LRRC4C: variants seen among roughly 807,000 people sequenced by gnomAD.
The protein encoded by LRRC4C is leucine-rich repeat-containing protein 4C.
A neutral mutation model predicts 33.6 loss-of-function variants in LRRC4C; 5 were observed. The observed-to-expected ratio is 0.15, with a 90% CI of 0.08 to 0.31. The LOEUF (loss-of-function observed/expected upper bound fraction) is 0.31. LRRC4C is among the 10% of genes least tolerant of loss of function. The pLI, the probability that LRRC4C is intolerant of heterozygous loss-of-function variation, is 1.00. For synonymous variants in LRRC4C, 329 were observed against 302.0 expected (o/e 1.09, Z -0.93); for missense variants, 560 against 796.7 (o/e 0.70, Z 3.58).
At chr11:40,277,378 G>A (rs1413424209) in intron 4 of LRRC4C, among the ~76,000 whole-genome samples, 1 of 152,080 alleles carries the variant, frequency 6.6e-6, no homozygotes, top group Non-Finnish European at 1.5e-5. Context: ...ATCCAGAGTT[G>A]TGGCTGGGTA....
At chr11:40,865,171 C>T (rs1954292018) in intron 2 of LRRC4C, among the ~76,000 whole-genome samples, 1 of 152,068 alleles carries the variant, frequency 6.6e-6, no homozygotes, top group South Asian at 2.1e-4. Flanking sequence ...TGAAACAAGC[C>T]AAGCACAGCA....
At chr11:41,281,446 A>G (rs1949676116) in intron 1 of LRRC4C, among the ~76,000 whole-genome samples, 1 of 152,176 alleles carries the variant, frequency 6.6e-6, no homozygotes, top group Non-Finnish European at 1.5e-5. Context: ...TGGGCAGAAC[A>G]TCAAATAGGG....
intron 2 of LRRC4C, among the ~76,000 whole-genome samples, chr11:40,879,854 T>A (rs1376325452): frequency 6.6e-6 from 1 of 152,178 alleles, no homozygotes; most frequent in African/African-American, 2.4e-5. Flanking sequence ...TTGATTGTAT[T>A]TTCCAAAGAC....
intron 1 of LRRC4C, among the ~76,000 whole-genome samples, chr11:41,057,568 C>A (rs542903432): frequency 6.6e-6 from 1 of 152,190 alleles, no homozygotes; most frequent in African/African-American, 2.4e-5. Context: ...CTTTTCTGGG[C>A]CTGCCCATGG....
At chr11:40,144,386 T>C (rs1473023942) in intron 5 of LRRC4C, among the ~76,000 whole-genome samples, 5 of 152,174 alleles carry the variant, frequency 3.3e-5, no homozygotes, top group African/African-American at 1.2e-4. Context: ...TACAAATGGC[T>C]AAACAACTCA....
chr11:40,243,687 C>CTTTTTTTTT (rs1274780074), intron 4 of LRRC4C, among the ~76,000 whole-genome samples: 1 of 117,184 alleles, frequency 8.5e-6, no homozygotes, highest in Non-Finnish European at 1.7e-5. Context: ...AAACTTATAT[C>CTTTTTTTTT]TTTTTTTTTT....
chr11:40,951,722 T>C (rs989408833), intron 1 of LRRC4C, among the ~76,000 whole-genome samples: 10 of 152,012 alleles, frequency 6.6e-5, no homozygotes, highest in Non-Finnish European at 1.0e-4. Context: ...TAAAAGAAGA[T>C]GCTGAATTAA....
At chr11:40,822,302 T>C (rs1478451929) in intron 2 of LRRC4C, among the ~76,000 whole-genome samples, 5 of 151,638 alleles carry the variant, frequency 3.3e-5, no homozygotes, top group African/African-American at 9.7e-5. Flanking sequence ...CCTCTACTTC[T>C]ATCCATGTTT....
intron 5 of LRRC4C, among the ~76,000 whole-genome samples, chr11:40,187,981 AG>A (rs1211954760): frequency 6.6e-6 from 1 of 152,168 alleles, no homozygotes; most frequent in African/African-American, 2.4e-5. Context: ...GAGAATATTC[AG>A]GGATATTAAT....
chr11:40,126,318 T>A (rs1340072276), intron 6 of LRRC4C, among the ~76,000 whole-genome samples: 3 of 152,160 alleles, frequency 2.0e-5, no homozygotes, highest in Non-Finnish European at 2.9e-5. Flanking sequence ...TCACTAGTGT[T>A]GTGACTATAT....
At chr11:40,396,100 C>A (rs7931739) in intron 3 of LRRC4C, among the ~76,000 whole-genome samples, 4 of 152,024 alleles carry the variant, frequency 2.6e-5, no homozygotes, top group African/African-American at 9.6e-5. Context: ...TTTATGGAAG[C>A]GGCTCTTGTT....
intron 1 of LRRC4C, among the ~76,000 whole-genome samples, chr11:41,448,676 A>G (rs755689887): frequency 1.3e-5 from 2 of 152,188 alleles, no homozygotes; most frequent in African/African-American, 2.4e-5. Context: ...TTCTCTTGTG[A>G]AGAAAGGTAT....
intron 1 of LRRC4C, among the ~76,000 whole-genome samples, chr11:40,980,381 T>C (rs1052349244): frequency 2.6e-5 from 4 of 152,344 alleles, no homozygotes; most frequent in African/African-American, 7.2e-5. Context: ...ACATGTAGTA[T>C]AGATTTCTTT....
At chr11:41,004,971 G>A (rs996548893) in intron 1 of LRRC4C, among the ~76,000 whole-genome samples, 2 of 150,974 alleles carry the variant, frequency 1.3e-5, no homozygotes, top group Non-Finnish European at 2.9e-5. Flanking sequence ...CAGTTTTTCT[G>A]TTGTTGTTTT....
intron 3 of LRRC4C, among the ~76,000 whole-genome samples, chr11:40,389,901 G>T (rs1949271419): frequency 6.6e-6 from 1 of 152,192 alleles, no homozygotes; most frequent in East Asian, 1.9e-4. Context: ...GTAGAAAGAA[G>T]TAGGGTCTTC....
intron 1 of LRRC4C, among the ~76,000 whole-genome samples, chr11:41,236,686 C>A (rs180954345): frequency 5.7e-4 from 87 of 151,822 alleles, no homozygotes; most frequent in African/African-American, 2.1e-3. Flanking sequence ...ATGCTTATTT[C>A]TTCTGGTGAT....
intron 1 of LRRC4C, among the ~76,000 whole-genome samples, chr11:41,239,682 T>C (rs1948172746): frequency 6.6e-6 from 1 of 152,176 alleles, no homozygotes; most frequent in African/African-American, 2.4e-5. Flanking sequence ...TCATTTTTAA[T>C]TTACTGAATT....
chr11:40,176,367 T>C (rs1006689147), intron 5 of LRRC4C, among the ~76,000 whole-genome samples: 1 of 152,146 alleles, frequency 6.6e-6, no homozygotes, highest in Non-Finnish European at 1.5e-5. Context: ...CTGTTTATTC[T>C]CAGCATCAAG....
intron 1 of LRRC4C, among the ~76,000 whole-genome samples, chr11:41,137,449 T>C (rs1943315221): frequency 6.6e-6 from 1 of 152,198 alleles, no homozygotes; most frequent in South Asian, 2.1e-4. Flanking sequence ...ATGATCATCA[T>C]TTCTATGAAT....
Sources: allele counts gnomAD v4.1 joint callset (sites outside exome capture counted in the v4.1 genomes callset), GRCh38; gene constraint gnomAD v4.1.1; transcripts MANE v1.5; gene names NCBI Gene and HGNC (gene_info 2026-07-23, HGNC 2026-07-21).